Variants in UTP4 observed in about 807,000 individuals in gnomAD.
UTP4 encodes U3 small nucleolar RNA-associated protein 4 homolog.
In UTP4, 45 loss-of-function variants were observed where a neutral mutation model predicts 82.4. The observed-to-expected ratio is 0.55, with a 90% CI of 0.43 to 0.70. UTP4 has a LOEUF of 0.70. UTP4 is among the 30% of genes least tolerant of loss of function. The pLI is 0.00. For synonymous variants in UTP4, 348 were observed against 300.3 expected (o/e 1.16, Z -1.64); for missense variants, 819 against 858.3 (o/e 0.95, Z 0.57).
intron 13 of UTP4, among the ~76,000 whole-genome samples, chr16:69,162,550 A>G (rs538922035): frequency 6.6e-6 from 1 of 152,076 alleles, no homozygotes; most frequent in East Asian, 2.0e-4. Context: ...CGTCTCTACT[A>G]AAAATACAAA....
intron 6 of UTP4, among the ~76,000 whole-genome samples, chr16:69,146,754 T>C (rs1043212144): frequency 7.3e-5 from 11 of 151,652 alleles, no homozygotes; most frequent in African/African-American, 2.7e-4. Flanking sequence ...CCTAGCACTT[T>C]GGGAGGCCGA....
At chr16:69,135,519 C>G (rs1276611353) in intron 2 of UTP4, among the ~76,000 whole-genome samples, 1 of 151,990 alleles carries the variant, frequency 6.6e-6, no homozygotes, top group Non-Finnish European at 1.5e-5. Flanking sequence ...GTAAGACCAC[C>G]CTGGGCAACA....
chr16:69,147,225 C>T (rs1018803110), intron 6 of UTP4, among the ~76,000 whole-genome samples: 17 of 139,836 alleles, frequency 1.2e-4, no homozygotes, highest in African/African-American at 2.7e-4. Context: ...AATAATAAGC[C>T]GGGCGTGGTG....
At chr16:69,150,286 A>C (rs938278442) in intron 6 of UTP4, among the ~76,000 whole-genome samples, 2 of 152,092 alleles carry the variant, frequency 1.3e-5, no homozygotes, top group African/African-American at 2.4e-5. Flanking sequence ...AAGGAGATCT[A>C]TGTTGGGTAT....
intron 15 of UTP4, chr16:69,166,423 C>G (rs1963704026): frequency 6.5e-6 from 1 of 152,794 alleles, no homozygotes; most frequent in East Asian, 1.9e-4. Context: ...AGGGCCCCTC[C>G]CACTCTCTTG....
In UTP4 at chr16:69,133,540, G is replaced by C; in HGVS notation, c.81G>C (p.Gln27His). Residue 27 changes from glutamine (Q) to histidine (H), a missense_variant, in exon 2 of 17, where the codon CAG (glutamine) becomes CAC (histidine). Physicochemically the swap from Gln to His is conservative, Grantham distance 24. Transcript: ENST00000314423. ...TCCGCTGTGTGGCTTACAATAACCA[G>C]TCAAACAGATTGGCTGTTTCACGAA... is the stretch of plus-strand genomic sequence containing the variant. Reference protein sequence around the residue: ...SGIRCVAYNNQSNRLAVSRTD... With the variant: ...SGIRCVAYNNHSNRLAVSRTD... 6.2e-7 allele frequency: 1 copy of C among 1,614,122 alleles called. No homozygotes were observed. The highest frequency in any genetic ancestry group is 8.5e-7 in the Non-Finnish European group (1 of 1,179,992).
chr16:69,136,950 C>G, intron 3 of UTP4, 63 bp downstream of exon 3: 1 of 1,380,012 alleles, frequency 7.2e-7, no homozygotes, highest in Non-Finnish European at 1.0e-6. Flanking sequence ...AGACTTTCTT[C>G]CCTGTGCTCA....
rs1449038445 is a variant in UTP4, at chr16:69,142,748, G to A, written c.527-430G>A. ...CTTTCCTGTGGGATTTTGGAAAAGA[G>A]CAGAGTGTAATGTGTGTGTGCAGTT... is the stretch of plus-strand genomic sequence containing the variant. On this transcript the variant is annotated intron_variant, in intron 5 of 16. Coordinates refer to ENST00000314423, the MANE Select transcript of UTP4 (RefSeq NM_032830.3). Among the ~76,000 whole-genome samples, 3 of 152,198 alleles carry A rather than the reference G, an allele frequency of 2.0e-5. No homozygotes were observed. In the East Asian group the frequency reaches 5.8e-4, roughly 29 times the overall value.
intron 13 of UTP4, 136 bp downstream of exon 13, chr16:69,160,598 CTTTTTTTTT>C: frequency 3.5e-6 from 2 of 576,226 alleles, no homozygotes; most frequent in East Asian, 6.1e-5. Flanking sequence ...CTTTTCTTTT[CTTTTTTTTT>C]TTTTTTTGAG....
At chr16:69,164,834 C>T (rs1963659658) in intron 14 of UTP4, among the ~76,000 whole-genome samples, 1 of 151,890 alleles carries the variant, frequency 6.6e-6, no homozygotes, top group African/African-American at 2.4e-5. Context: ...GTGGGTCAGT[C>T]TCCGTGATAT....
At chr16:69,136,605 G>A (rs907319812) in intron 2 of UTP4, 91 bp from the exon 3 acceptor site, 1 of 1,214,844 alleles carries the variant, frequency 8.2e-7, no homozygotes, top group African/African-American at 1.5e-5. Context: ...TTATTTATGG[G>A]GAAGTTGTTT....
intron 5 of UTP4, chr16:69,142,086 T>G (rs1228249896): frequency 6.6e-6 from 1 of 151,926 alleles, no homozygotes; most frequent in African/African-American, 2.4e-5. Context: ...TTTGTTTCTG[T>G]TAGTCCGTTT....
At chr16:69,150,791 A>G (rs1425945816) in intron 7 of UTP4, 22 bp from the exon 8 acceptor site, 1 of 1,612,806 alleles carries the variant, frequency 6.2e-7, no homozygotes, top group Non-Finnish European at 8.5e-7. Context: ...AATTCTGTAC[A>G]CCTTCTCCCC....
In UTP4 at chr16:69,150,059, C is replaced by T. The variant is rs140930463; in HGVS notation, c.739-478C>T. 4.9e-4 allele frequency among the ~76,000 whole-genome samples: 75 copies of T among 152,144 alleles called. No homozygotes were observed. In the East Asian group the frequency reaches 0.013, roughly 25 times the overall value. The stretch of plus-strand genomic sequence containing the variant: ...TCTTGGATATTTTTAATGAAATAAA[C>T]GTTATTAAGAAACACCTGTTCTAGT... On this transcript the variant is annotated intron_variant, in intron 6 of 16. Coordinates refer to ENST00000314423, the MANE Select transcript of UTP4 (RefSeq NM_032830.3).
rs185510623 is a variant in UTP4, at chr16:69,133,886, A to G, written c.159+268A>G. On this transcript the variant is annotated intron_variant, in intron 2 of 16. Coordinates refer to ENST00000314423, the MANE Select transcript of UTP4 (RefSeq NM_032830.3). ...GAGGTTTGCTGGATCTTTTGGACACAGGAAGGGAAATTGTTGGTATATCAG... is the reference window on the plus strand; with the variant it reads ...GAGGTTTGCTGGATCTTTTGGACACGGGAAGGGAAATTGTTGGTATATCAG... Among the ~76,000 whole-genome samples, 4 of 152,352 alleles carry G rather than the reference A, an allele frequency of 2.6e-5. No individual in the cohort carries two copies. The East Asian group carries it at 7.7e-4, about 29-fold the overall frequency.
At chr16:69,137,307 C>T (rs1962836852) in intron 3 of UTP4, among the ~76,000 whole-genome samples, 1 of 152,102 alleles carries the variant, frequency 6.6e-6, no homozygotes, top group African/African-American at 2.4e-5. Context: ...TGTTTCAGCC[C>T]AGTGTTTCTC....
chr16:69,151,111 A>C (rs554752554), intron 8 of UTP4, among the ~76,000 whole-genome samples: 1 of 150,084 alleles, frequency 6.7e-6, no homozygotes, highest in Admixed American at 6.7e-5. Flanking sequence ...GGTTCAAGCG[A>C]TTCTCCTGCC....
rs1313212478 is a variant in UTP4, at chr16:69,150,606, T to C, written c.808T>C (p.Ser270Pro). Residue 270 changes from serine (S) to proline (P), a missense_variant, in exon 7 of 17, where the codon TCT becomes CCT. By Grantham distance (74) the Ser-to-Pro change is moderately conservative (BLOSUM62 -1). Transcript: ENST00000314423. ...CCATTTTCAGCTGGTCCCTGTGACA[T>C]CTAACAGCAGTGAGAAGCAGTGGGT... ...VFHFQLVPVT[S>P]NSSEKQWVRT... The C allele has an allele frequency of 6.2e-7, 1 of 1,614,254 alleles. No individual in the cohort carries two copies. Among genetic ancestry groups the C allele is most frequent in the Non-Finnish European group, 8.5e-7 (1 of 1,180,038 alleles).
chr16:69,135,518 C>A (rs1217363168), intron 2 of UTP4, among the ~76,000 whole-genome samples: 3 of 151,976 alleles, frequency 2.0e-5, no homozygotes, highest in African/African-American at 7.3e-5. Flanking sequence ...TGTAAGACCA[C>A]CCTGGGCAAC....
Sources: allele counts gnomAD v4.1 joint callset (sites outside exome capture counted in the v4.1 genomes callset), GRCh38; gene constraint gnomAD v4.1.1; transcripts MANE v1.5; gene names NCBI Gene and HGNC (gene_info 2026-07-23, HGNC 2026-07-21).